ZNF565: variants seen among roughly 807,000 people sequenced by gnomAD.
ZNF565 encodes zinc finger protein 565.
ZNF565 carries 27 observed loss-of-function variants against 39.4 expected under a neutral mutation model. The ratio of observed to expected loss-of-function variants is 0.69; its 90% CI spans 0.51 to 0.95. The LOEUF is 0.95. Among genes scored for constraint, ZNF565 ranks in the 40% least tolerant of loss-of-function variants. The pLI is 0.00. For missense variants in ZNF565, 524 were observed against 621.1 expected (o/e 0.84, Z 1.66); for synonymous variants, 185 against 216.6 (o/e 0.85, Z 1.28).
chr19:36,239,304 A>C (rs1977755775), intron 1 of ZNF565, among the ~76,000 whole-genome samples: 1 of 151,468 alleles, frequency 6.6e-6, no homozygotes, highest in Non-Finnish European at 1.5e-5. Context: ...CGTGTGCATT[A>C]AATATTAAAT....
chr19:36,217,902 AT>A (rs1976678967), upstream of ZNF565, among the ~76,000 whole-genome samples: 1 of 138,650 alleles, frequency 7.2e-6, no homozygotes, highest in Non-Finnish European at 1.6e-5. Context: ...AAAAAAAAAA[AT>A]TCAAAAGATA....
At chr19:36,183,841 C>T in intron 4 of ZNF565, 108 bp from the exon 5 acceptor site, 1 of 966,970 alleles carries the variant, frequency 1.0e-6, no homozygotes, top group Non-Finnish European at 1.5e-6. Context: ...AATCCCAGCA[C>T]TTTGGGAGGC....
At chr19:36,242,026 AAATTGG>A (rs757848503) in intron 1 of ZNF565, among the ~76,000 whole-genome samples, 16 of 152,354 alleles carry the variant, frequency 1.1e-4, no homozygotes, top group Admixed American at 7.2e-4. Flanking sequence ...AAAAGTAGAT[AAATTGG>A]ATTTTGTAAA....
chr19:36,239,849 A>G (rs1977768809), intron 1 of ZNF565, among the ~76,000 whole-genome samples: 1 of 152,184 alleles, frequency 6.6e-6, no homozygotes, highest in African/African-American at 2.4e-5. Flanking sequence ...CTTTGATCAC[A>G]TTATAATATA....
intron 1 of ZNF565, among the ~76,000 whole-genome samples, chr19:36,209,439 G>A (rs1156638096): frequency 6.6e-6 from 1 of 152,146 alleles, no homozygotes; most frequent in African/African-American, 2.4e-5. Context: ...AGGTTGCTGT[G>A]AGCCGAGATT....
At chr19:36,221,545 C>T (rs1031572460) in intron 1 of ZNF565, among the ~76,000 whole-genome samples, 1 of 152,100 alleles carries the variant, frequency 6.6e-6, no homozygotes, top group Non-Finnish European at 1.5e-5. Flanking sequence ...GCATCAGCCT[C>T]CCAAAGTACT....
intron 4 of ZNF565, among the ~76,000 whole-genome samples, chr19:36,189,908 C>T (rs562856688): frequency 6.6e-6 from 1 of 151,444 alleles, no homozygotes; most frequent in South Asian, 2.1e-4. Context: ...ATCTTGGTTC[C>T]TTGCAACCTC....
At chr19:36,184,202 A>C (rs1246314758) in intron 4 of ZNF565, among the ~76,000 whole-genome samples, 1 of 151,974 alleles carries the variant, frequency 6.6e-6, no homozygotes, top group Non-Finnish European at 1.5e-5. Context: ...AGATGAAAGC[A>C]CACCATGTGA....
intron 1 of ZNF565, among the ~76,000 whole-genome samples, chr19:36,205,097 A>G (rs537134475): frequency 6.6e-6 from 1 of 152,282 alleles, no homozygotes; most frequent in East Asian, 1.9e-4. Flanking sequence ...TGTCTGGAGG[A>G]CATAGGTGAC....
chr19:36,191,855 C>T (rs1209351827), intron 4 of ZNF565, among the ~76,000 whole-genome samples: 1 of 151,968 alleles, frequency 6.6e-6, no homozygotes, highest in Non-Finnish European at 1.5e-5. Context: ...TGATGGATGC[C>T]AAAATCGGAG....
chr19:36,218,534 C>T (rs1302336923), upstream of ZNF565, among the ~76,000 whole-genome samples: 2 of 147,878 alleles, frequency 1.4e-5, no homozygotes, highest in Admixed American at 6.7e-5. Flanking sequence ...GGCCTGATCT[C>T]GGCTCACTGC....
At position 36,187,190 on chromosome 19, in the gene ZNF565, C is replaced by CA. The variant is rs1011342300; in HGVS notation, c.233-3458dup. On this transcript the variant is annotated intron_variant, in intron 4 of 4. Transcript: ENST00000304116. ...GGGAAACAGGAGCGAAACTCCATCT[C>CA]AAAAAAAAAAAAATAGACTTTAAAA... Among the ~76,000 whole-genome samples, 919 of 132,828 alleles carry CA rather than the reference C, an allele frequency of 6.9e-3. 7 individuals carry two copies. Among genetic ancestry groups the CA allele is most frequent in the African/African-American group, 0.02 (713 of 36,178 alleles). 87.1% of individuals were successfully genotyped at this position (132,828 alleles called of 152,430 possible).
At chr19:36,229,498 T>C (rs1977229018) in intron 1 of ZNF565, among the ~76,000 whole-genome samples, 2 of 152,216 alleles carry the variant, frequency 1.3e-5, no homozygotes, top group Non-Finnish European at 1.5e-5. Context: ...CTCTTGACTC[T>C]TAGTCCTGCA....
intron 4 of ZNF565, among the ~76,000 whole-genome samples, chr19:36,184,848 G>A (rs919150022): frequency 2.6e-5 from 4 of 152,086 alleles, no homozygotes; most frequent in African/African-American, 9.7e-5. Context: ...GCCAGGCGAG[G>A]TGGCTTATGC....
upstream of ZNF565, chr19:36,215,158 C>T (rs1355623937): frequency 6.6e-6 from 1 of 152,152 alleles, no homozygotes; most frequent in African/African-American, 2.4e-5. Flanking sequence ...GTCCGCGGGT[C>T]AGTACGGCCC....
At chr19:36,201,450 C>T (rs2145342454) in intron 2 of ZNF565, among the ~76,000 whole-genome samples, 1 of 152,120 alleles carries the variant, frequency 6.6e-6, no homozygotes, top group South Asian at 2.1e-4. Context: ...GGTATTTCTA[C>T]TGTACTGGTG....
chr19:36,225,862 G>A (rs1977045608), intron 1 of ZNF565, among the ~76,000 whole-genome samples: 1 of 147,590 alleles, frequency 6.8e-6, no homozygotes, highest in South Asian at 2.2e-4. Context: ...CCAGGCTTAA[G>A]CAGTCCTCCT....
chr19:36,223,576 G>GA (rs764425215), intron 1 of ZNF565, among the ~76,000 whole-genome samples: 3 of 151,946 alleles, frequency 2.0e-5, no homozygotes, highest in Non-Finnish European at 4.4e-5. Context: ...TGTTAGCCAG[G>GA]ATGGTCTCGA....
intron 1 of ZNF565, chr19:36,238,680 T>C (rs1431443574): frequency 6.0e-6 from 1 of 167,118 alleles, no homozygotes; most frequent in Non-Finnish European, 1.5e-5. Context: ...AAAATATTTC[T>C]AAAATTTTAT....
Sources: gnomAD v4.1 joint callset for allele counts (sites outside exome capture counted in the v4.1 genomes callset) on GRCh38, gnomAD v4.1.1 for gene constraint, MANE v1.5 for transcripts, NCBI Gene and HGNC (gene_info 2026-07-23, HGNC 2026-07-21) for gene names.